The following THSD4 variants were observed in gnomAD, a reference collection of about 807,000 sequenced individuals.
The protein encoded by THSD4 is thrombospondin type-1 domain-containing protein 4.
A neutral mutation model predicts 119.0 loss-of-function variants in THSD4; 69 were observed. The ratio of observed to expected loss-of-function variants is 0.58; its 90% CI spans 0.48 to 0.71. The LOEUF (loss-of-function observed/expected upper bound fraction) is 0.71. Ranked by LOEUF, THSD4 falls within the 30% of genes least tolerant of loss-of-function variation. The probability of loss-of-function intolerance (pLI) is 0.00; values close to 1 mark genes in which losing one functional copy is unlikely to be tolerated. For missense variants in THSD4, 1,393 were observed against 1,391.1 expected (o/e 1.00, Z -0.02); for synonymous variants, 524 against 540.4 (o/e 0.97, Z 0.42).
At chr15:71,486,347 A>G (rs2140682306) in intron 7 of THSD4, among the ~76,000 whole-genome samples, 1 of 152,140 alleles carries the variant, frequency 6.6e-6, no homozygotes, top group Non-Finnish European at 1.5e-5. Context: ...GGAAAGTGAA[A>G]TTTTCCGAGG....
chr15:71,595,068 T>A (rs1184451260), intron 7 of THSD4, among the ~76,000 whole-genome samples: 1 of 152,204 alleles, frequency 6.6e-6, no homozygotes, highest in Non-Finnish European at 1.5e-5. Flanking sequence ...AAAGATGAGC[T>A]GAGTTTGAAA....
At chr15:71,188,694 T>A (rs1256761607) in intron 3 of THSD4, 1 of 152,568 alleles carries the variant, frequency 6.6e-6, no homozygotes, top group East Asian at 1.9e-4. Flanking sequence ...ATGGATGTTC[T>A]GGTGTCTTGG....
intron 6 of THSD4, among the ~76,000 whole-genome samples, chr15:71,301,817 T>C (rs2044954333): frequency 6.6e-6 from 1 of 152,216 alleles, no homozygotes; most frequent in South Asian, 2.1e-4. Flanking sequence ...TCAAGGGAGA[T>C]ATCCTCTCTT....
intron 7 of THSD4, among the ~76,000 whole-genome samples, chr15:71,567,662 G>T (rs752036154): frequency 1.1e-4 from 16 of 151,142 alleles, no homozygotes; most frequent in Non-Finnish European, 1.9e-4. Flanking sequence ...CTGCCTTCAG[G>T]AGCTGAGAGA....
chr15:71,369,761 T>C (rs1418038365), intron 6 of THSD4, among the ~76,000 whole-genome samples: 2 of 152,248 alleles, frequency 1.3e-5, no homozygotes, highest in Admixed American at 6.5e-5. Context: ...TGTGTCTCTG[T>C]CAGGCTTTGG....
chr15:71,258,972 G>A (rs561918689), intron 6 of THSD4, among the ~76,000 whole-genome samples: 1 of 152,086 alleles, frequency 6.6e-6, no homozygotes, highest in Non-Finnish European at 1.5e-5. Context: ...AATCAGCCTG[G>A]CGTGGTGGTG....
chr15:71,709,721 G>A (rs982906345), intron 8 of THSD4, among the ~76,000 whole-genome samples: 1 of 152,196 alleles, frequency 6.6e-6, no homozygotes, highest in African/African-American at 2.4e-5. Context: ...CATGCAGGGT[G>A]TAGATATTAG....
intron 6 of THSD4, among the ~76,000 whole-genome samples, chr15:71,355,423 C>T (rs980017222): frequency 2.6e-5 from 4 of 152,150 alleles, no homozygotes; most frequent in South Asian, 4.1e-4. Context: ...CATGTGTGTG[C>T]GTGCAGACAC....
chr15:71,525,331 C>T lies in THSD4; in HGVS notation c.1152+113508C>T, dbSNP rs561473462. Among the ~76,000 whole-genome samples the T allele has an allele frequency of 7.9e-5, 12 of 152,204 alleles. No individual in the cohort carries two copies. The East Asian group carries it at 2.3e-3, about 29-fold the overall frequency. ...CAACCAGGATTTAACTTTAAGCATCCTAATGTTAAAACCGACACTCATAAC... is the reference window on the plus strand; with the variant it reads ...CAACCAGGATTTAACTTTAAGCATCTTAATGTTAAAACCGACACTCATAAC... On this transcript the variant is annotated intron_variant, in intron 7 of 17. Coordinates refer to ENST00000261862, the MANE Select transcript of THSD4 (RefSeq NM_024817.3).
At chr15:71,657,166 C>T (rs1418218700) in intron 7 of THSD4, among the ~76,000 whole-genome samples, 3 of 152,200 alleles carry the variant, frequency 2.0e-5, no homozygotes, top group African/African-American at 7.2e-5. Flanking sequence ...TGTCTGATTG[C>T]TCCTGTTAGA....
intron 7 of THSD4, among the ~76,000 whole-genome samples, chr15:71,548,815 A>G (rs955811073): frequency 2.8e-4 from 42 of 152,222 alleles, no homozygotes; most frequent in African/African-American, 9.4e-4. Flanking sequence ...GGAGCATTTA[A>G]GCAGGCGAGA....
intron 6 of THSD4, among the ~76,000 whole-genome samples, chr15:71,382,398 A>G (rs71395015): frequency 0.045 from 6,815 of 152,294 alleles, 215 homozygotes; most frequent in Non-Finnish European, 0.069. Context: ...TTAGCACTCA[A>G]TTTTAGAAAA....
chr15:71,740,924 C>T (rs7169780), intron 11 of THSD4, among the ~76,000 whole-genome samples: 2 of 151,902 alleles, frequency 1.3e-5, no homozygotes, highest in African/African-American at 4.8e-5. Flanking sequence ...GGACACATTT[C>T]TGTCCCAGCC....
chr15:71,133,558 G>C (rs748173598), intron 1 of THSD4, among the ~76,000 whole-genome samples: 13 of 152,178 alleles, frequency 8.5e-5, no homozygotes, highest in Non-Finnish European at 1.5e-5. Flanking sequence ...TTCTGCATCT[G>C]AGACTTGCAC....
intron 8 of THSD4, among the ~76,000 whole-genome samples, chr15:71,695,572 G>T (rs1325135334): frequency 6.6e-6 from 1 of 151,512 alleles, no homozygotes; most frequent in Non-Finnish European, 1.5e-5. Flanking sequence ...TTCTCATAGT[G>T]GTGAGTTTTG....
At chr15:71,347,019 G>A (rs1306468087) in intron 6 of THSD4, among the ~76,000 whole-genome samples, 1 of 151,512 alleles carries the variant, frequency 6.6e-6, no homozygotes, top group South Asian at 2.1e-4. Flanking sequence ...GATTACAGGC[G>A]CGTGCCACCA....
intron 8 of THSD4, among the ~76,000 whole-genome samples, chr15:71,668,737 C>T (rs8040626): frequency 0.25 from 38,787 of 152,118 alleles, 5,930 homozygotes; most frequent in East Asian, 0.73. Flanking sequence ...ACTCTCACAA[C>T]GTGCACAGGG....
intron 8 of THSD4, among the ~76,000 whole-genome samples, chr15:71,681,674 CAAAAAA>C (rs147593449): frequency 2.0e-5 from 2 of 100,164 alleles, no homozygotes; most frequent in Non-Finnish European, 4.2e-5. Flanking sequence ...AACTTCGTCT[CAAAAAA>C]AAAAAAAAAA....
intron 2 of THSD4, chr15:71,147,867 G>A (rs1274053495): frequency 4.0e-5 from 6 of 151,538 alleles, no homozygotes; most frequent in Non-Finnish European, 7.3e-5. Flanking sequence ...CTATTCAGGA[G>A]GCTGATGTGG....
Sources: allele counts gnomAD v4.1 joint callset (sites outside exome capture counted in the v4.1 genomes callset), GRCh38; gene constraint gnomAD v4.1.1; transcripts MANE v1.5; gene names NCBI Gene and HGNC (gene_info 2026-07-23, HGNC 2026-07-21).